Variants in GNG8 observed in about 807,000 individuals in gnomAD.
The protein encoded by GNG8 is G protein subunit gamma 8, also known as guanine nucleotide-binding protein G(I)/G(S)/G(O) subunit gamma-8.
Under a neutral mutation model 4.6 loss-of-function variants are expected in GNG8, and 3 were observed. The ratio of observed to expected loss-of-function variants is 0.65; its 90% CI spans 0.29 to 1.67. GNG8 has a LOEUF of 1.67. GNG8 is among the 40% of genes most tolerant of loss of function. The probability of loss-of-function intolerance (pLI) is 0.10; values close to 1 mark genes in which losing one functional copy is unlikely to be tolerated. For missense variants in GNG8, 88 were observed against 95.2 expected (o/e 0.92, Z 0.32); for synonymous variants, 32 against 40.5 (o/e 0.79, Z 0.80).
chr19:46,634,311 A>G, intron 2 of GNG8, 107 bp from the exon 3 acceptor site: 2 of 1,177,250 alleles, frequency 1.7e-6, no homozygotes, highest in South Asian at 1.5e-5. Flanking sequence ...GCCCCGCCCC[A>G]TACAGGCCTT....
intron 1 of GNG8, among the ~76,000 whole-genome samples, chr19:46,635,213 G>T (rs900989611): frequency 1.3e-5 from 2 of 151,824 alleles, no homozygotes; most frequent in East Asian, 4.0e-4. Flanking sequence ...TCACCTCAAA[G>T]CCTCCTCTGC....
At position 46,634,742 on chromosome 19, in the gene GNG8, G is replaced by A; in HGVS notation, c.-43-17C>T. ...GAGTGGGGGCTGTGGGGGTAGGTTAGGATACGTCTGGGTCCCGAGGTGGGG... is the reference window on the plus strand; with the variant it reads ...GAGTGGGGGCTGTGGGGGTAGGTTAAGATACGTCTGGGTCCCGAGGTGGGG... On this transcript the variant is annotated splice_polypyrimidine_tract_variant and intron_variant, in intron 1 of 2. Coordinates refer to ENST00000693335, the MANE Select transcript of GNG8 (RefSeq NM_033258.2). 1.4e-6 allele frequency: 2 copies of A among 1,401,140 alleles called. No homozygotes were observed. Among genetic ancestry groups the A allele is most frequent in the African/African-American group, 1.4e-5 (1 of 70,724 alleles). 86.8% of individuals were successfully genotyped at this position (1,401,140 alleles called of 1,614,324 possible). A position where few individuals can be genotyped will look rare whatever the true frequency, so the allele number is the denominator to read the frequency against.
chr19:46,634,319 C>T, intron 2 of GNG8, 115 bp from the exon 3 acceptor site: 1 of 1,271,572 alleles, frequency 7.9e-7, no homozygotes, highest in South Asian at 1.5e-5. Flanking sequence ...CCATACAGGC[C>T]TTTCCCCTTG....
intron 1 of GNG8, among the ~76,000 whole-genome samples, chr19:46,635,053 G>A (rs1187574773): frequency 6.6e-6 from 1 of 151,936 alleles, no homozygotes; most frequent in Non-Finnish European, 1.5e-5. Flanking sequence ...GCCAGGAGGG[G>A]GGCCCCTCCC....
chr19:46,635,811 G>GA (rs1488889822), intron 1 of GNG8, among the ~76,000 whole-genome samples: 1 of 111,388 alleles, frequency 9.0e-6, no homozygotes, highest in African/African-American at 3.5e-5. Flanking sequence ...GGAGAGGATG[G>GA]GGTGATGGAG....
intron 2 of GNG8, 31 bp from the exon 3 acceptor site, chr19:46,634,235 C>A: frequency 1.8e-5 from 28 of 1,590,244 alleles, no homozygotes; most frequent in Non-Finnish European, 2.4e-5. Context: ...ATGTCACCGC[C>A]CTGCCCGGCT....
intron 2 of GNG8, among the ~76,000 whole-genome samples, 191 bp from the exon 3 acceptor site, chr19:46,634,395 C>A (rs2052849503): frequency 7.1e-6 from 1 of 140,774 alleles, no homozygotes; most frequent in African/African-American, 2.6e-5. Flanking sequence ...TGGCCCCTCC[C>A]CTGCCCCATC....
In GNG8 at chr19:46,634,201, A is replaced by G. The variant is rs1174252885; in HGVS notation, c.88T>C (p.Ser30Pro). Reference sequence around the variant, plus strand: ...GCCAGGAGTTCCGCTGCTGCCTGCGACACCTGCGAGCACCCGGGTGGAGAT... The same window carrying G: ...GCCAGGAGTTCCGCTGCTGCCTGCGGCACCTGCGAGCACCCGGGTGGAGAT... Reference protein sequence around the residue: ...LEVNIDRMKVSQAAAELLAFC... With the variant: ...LEVNIDRMKVPQAAAELLAFC... Residue 30 changes from serine to proline, a missense_variant, in exon 3 of 3, where the codon TCG becomes CCG. Physicochemically the swap from Ser to Pro is moderately conservative, Grantham distance 74 (BLOSUM62 -1). Transcript: ENST00000693335. 5 of 1,607,488 alleles carry G rather than the reference A, an allele frequency of 3.1e-6. No individual in the cohort carries two copies. The highest frequency in any genetic ancestry group is 4.2e-6 in the Non-Finnish European group (5 of 1,177,504).
At chr19:46,636,045 CTCACTCAT>C (rs962714637) in intron 1 of GNG8, among the ~76,000 whole-genome samples, 94 bp downstream of exon 1, 57 of 152,158 alleles carry the variant, frequency 3.7e-4, no homozygotes, top group African/African-American at 8.9e-4. Context: ...AATTCATTCA[CTCACTCAT>C]TCACTCATTC....
At chr19:46,637,437 C>G (rs2052876036), upstream of GNG8, 1 of 152,582 alleles carries the variant, frequency 6.6e-6, no homozygotes, top group Admixed American at 6.5e-5. Context: ...CACACTCACT[C>G]CCACCTCTCC....
At position 46,634,204 on chromosome 19, in the gene GNG8, C is replaced by T; in HGVS notation, c.85G>A (p.Val29Met). ...KLEVNIDRMK[V>M]SQAAAELLAF... ...AGGAGTTCCGCTGCTGCCTGCGACACCTGCGAGCACCCGGGTGGAGATGTC... is the reference window on the plus strand; with the variant it reads ...AGGAGTTCCGCTGCTGCCTGCGACATCTGCGAGCACCCGGGTGGAGATGTC... The change falls in exon 3 of 3, where the codon GTG (valine) becomes ATG (methionine). Residue 29 changes from valine (V) to methionine (M), a missense_variant and splice_region_variant. Val to Met is a conservative substitution (Grantham distance 21, BLOSUM62 1). Transcript: ENST00000693335. The T allele has an allele frequency of 4.4e-6, 7 of 1,605,104 alleles. No homozygotes were observed. Among genetic ancestry groups the T allele is most frequent in the Middle Eastern group, 1.7e-4 (1 of 5,964 alleles).
upstream of GNG8, chr19:46,638,286 ACAGT>A (rs1382003209): frequency 1.3e-5 from 2 of 152,688 alleles, no homozygotes; most frequent in African/African-American, 2.4e-5. This position sits in a 1 kb window ranked among gnomAD's most constrained non-coding sequence, Gnocchi z 4.7. Flanking sequence ...AGTGTCACAC[ACAGT>A]CAGCGACATG....
intron 2 of GNG8, 31 bp downstream of exon 2, chr19:46,634,568 C>A: frequency 1.9e-6 from 3 of 1,588,946 alleles, no homozygotes; most frequent in Non-Finnish European, 2.6e-6. Context: ...GGCCCAGAAC[C>A]CCCGCCCTAT....
chr19:46,634,531 G>A, intron 2 of GNG8, 68 bp downstream of exon 2: 1 of 1,424,938 alleles, frequency 7.0e-7, no homozygotes, highest in Non-Finnish European at 9.8e-7. Context: ...CTCCGAGCCG[G>A]GCCGACACAG....
At chr19:46,634,457 CCCT>C in intron 2 of GNG8, 139 bp downstream of exon 2, 1 of 693,636 alleles carries the variant, frequency 1.4e-6, no homozygotes. Flanking sequence ...TCGTCCTGGC[CCCT>C]CCTCCTGCCC....
At chr19:46,634,397 T>G (rs961545706) in intron 2 of GNG8, among the ~76,000 whole-genome samples, 193 bp from the exon 3 acceptor site, 1 of 46,660 alleles carries the variant, frequency 2.1e-5, no homozygotes. Context: ...GCCCCTCCCC[T>G]GCCCCATCCC....
intron 1 of GNG8, among the ~76,000 whole-genome samples, chr19:46,635,418 G>A (rs2052859811): frequency 6.9e-6 from 1 of 144,198 alleles, no homozygotes; most frequent in African/African-American, 2.6e-5. Context: ...ATGAAGTGAT[G>A]GAGGAGAAAA....
Position 46,634,738 on chromosome 19 carries a change from G to A in GNG8, c.-43-13C>T. On this transcript the variant is annotated splice_polypyrimidine_tract_variant and intron_variant, in intron 1 of 2. Transcript: ENST00000693335. The stretch of plus-strand genomic sequence containing the variant: ...GCGGGAGTGGGGGCTGTGGGGGTAG[G>A]TTAGGATACGTCTGGGTCCCGAGGT... 1.4e-6 allele frequency: 2 copies of A among 1,435,718 alleles called. No individual in the cohort carries two copies. The highest frequency in any genetic ancestry group is 1.2e-5 in the South Asian group (1 of 86,278). 88.9% of individuals were successfully genotyped at this position (1,435,718 alleles called of 1,614,324 possible). A position where few individuals can be genotyped will look rare whatever the true frequency, so the allele number is the denominator to read the frequency against.
At chr19:46,638,973 A>C (rs549637523), upstream of GNG8, 1 of 154,048 alleles carries the variant, frequency 6.5e-6, no homozygotes, top group African/African-American at 2.4e-5. The surrounding 1 kb of genome is among the most constrained non-coding windows in gnomAD (Gnocchi z 4.7). Flanking sequence ...TTAGAGAAGG[A>C]GCGAGCTAGG....
Sources: allele counts gnomAD v4.1 joint callset (sites outside exome capture counted in the v4.1 genomes callset), GRCh38; gene constraint gnomAD v4.1.1; non-coding constraint Gnocchi (gnomAD v3.1); transcripts MANE v1.5; gene names NCBI Gene and HGNC (gene_info 2026-07-23, HGNC 2026-07-21).